Variants in EPHA4 observed in about 807,000 individuals in gnomAD.
EPHA4 encodes the protein EPH receptor A4, also known as ephrin type-A receptor 4.
EPHA4 carries 19 observed loss-of-function variants against 108.3 expected under a neutral mutation model. That is an observed-to-expected ratio of 0.18 (90% CI 0.12 to 0.26). The LOEUF (loss-of-function observed/expected upper bound fraction) is 0.26. EPHA4 is among the 10% of genes least tolerant of loss of function. EPHA4 has a pLI of 1.00. For synonymous variants in EPHA4, 449 were observed against 455.5 expected (o/e 0.99, Z 0.18); for missense variants, 917 against 1,254.0 (o/e 0.73, Z 4.06).
rs1034014466 is a variant in EPHA4 at position 221,571,657 on chromosome 2, C to A, written c.91+501G>T. 5.9e-5 allele frequency among the ~76,000 whole-genome samples: 9 copies of A among 152,136 alleles called. No homozygotes were observed. The highest frequency in any genetic ancestry group is 6.5e-5 in the Admixed American group (1 of 15,288). ...GAGCGGCGCCACGACCGCTGCGCTGCGGAGCAGGCCCCGCAGCCCGGTCCC... is the reference window on the plus strand; with the variant it reads ...GAGCGGCGCCACGACCGCTGCGCTGAGGAGCAGGCCCCGCAGCCCGGTCCC... On this transcript the variant is annotated intron_variant, in intron 1 of 17. Transcript: ENST00000281821. This position sits in a 1 kb window ranked among gnomAD's most constrained non-coding sequence, Gnocchi z 6.3.
At chr2:221,476,098 T>C (rs1439379251) in intron 5 of EPHA4, among the ~76,000 whole-genome samples, 3 of 152,180 alleles carry the variant, frequency 2.0e-5, no homozygotes, top group Non-Finnish European at 2.9e-5. Context: ...CGCCCGCCTG[T>C]AATCCCAGCT....
intron 5 of EPHA4, 120 bp from the exon 6 acceptor site, chr2:221,458,110 C>G: frequency 7.9e-7 from 1 of 1,266,610 alleles, no homozygotes; most frequent in East Asian, 2.5e-5. Context: ...TTGTCTCCCC[C>G]TTGACCATTT....
At chr2:221,424,656 C>T (rs962799786) in intron 17 of EPHA4, among the ~76,000 whole-genome samples, 3 of 152,102 alleles carry the variant, frequency 2.0e-5, no homozygotes, top group African/African-American at 2.4e-5. Context: ...AAAGCCGAGG[C>T]GAGTTCCAAG....
intron 3 of EPHA4, among the ~76,000 whole-genome samples, chr2:221,517,355 C>T (rs1693018548): frequency 6.6e-6 from 1 of 152,182 alleles, no homozygotes; most frequent in Non-Finnish European, 1.5e-5. Flanking sequence ...TCAGAGTGGT[C>T]ATCCTGAGCC....
chr2:221,473,018 C>A (rs1326478108), intron 5 of EPHA4, among the ~76,000 whole-genome samples: 2 of 152,140 alleles, frequency 1.3e-5, no homozygotes, highest in Non-Finnish European at 2.9e-5. Flanking sequence ...GCTCTGGGTG[C>A]CAGCCCTCAC....
At chr2:221,433,000 ATT>A (rs1465058903) in intron 14 of EPHA4, among the ~76,000 whole-genome samples, 1 of 151,552 alleles carries the variant, frequency 6.6e-6, no homozygotes, top group East Asian at 1.9e-4. Context: ...AATTTTTTGT[ATT>A]TTTAGTAGAG....
At chr2:221,435,683 G>C (rs377520797) in intron 13 of EPHA4, among the ~76,000 whole-genome samples, 1 of 152,146 alleles carries the variant, frequency 6.6e-6, no homozygotes, top group Non-Finnish European at 1.5e-5. Context: ...TCAGATAGTC[G>C]AGCTAAGATA....
At position 221,503,849 on chromosome 2, in the gene EPHA4, C is replaced by T. The variant is rs554942374; in HGVS notation, c.824-2677G>A. On this transcript the variant is annotated intron_variant, in intron 3 of 17. Transcript: ENST00000281821. ...CTCAAAATATAGTAGTGGCTTTTCA[C>T]GCACATAGCCATTTTGCTGCCTACA... is the stretch of plus-strand genomic sequence containing the variant. 2.5e-4 allele frequency among the ~76,000 whole-genome samples: 38 copies of T among 152,238 alleles called. 1 individual carries two copies. The highest frequency in any genetic ancestry group is 2.3e-3 in the South Asian group (11 of 4,824).
chr2:221,465,745 C>T (rs1691288709), intron 5 of EPHA4, among the ~76,000 whole-genome samples: 1 of 152,126 alleles, frequency 6.6e-6, no homozygotes, highest in South Asian at 2.1e-4. Flanking sequence ...ATCTTGGAAG[C>T]CCCACACCCA....
At chr2:221,534,338 G>C (rs142916124) in intron 3 of EPHA4, among the ~76,000 whole-genome samples, 1 of 152,238 alleles carries the variant, frequency 6.6e-6, no homozygotes, top group East Asian at 1.9e-4. Context: ...ATTCTATTTT[G>C]ATCTGTGGAT....
At chr2:221,543,815 C>T (rs756532282) in intron 3 of EPHA4, among the ~76,000 whole-genome samples, 2 of 152,158 alleles carry the variant, frequency 1.3e-5, no homozygotes, top group Non-Finnish European at 2.9e-5. Context: ...CAGAAAAGTC[C>T]TGGTCACGGG....
At chr2:221,446,267 G>GT in intron 8 of EPHA4, 86 bp from the exon 9 acceptor site, 1 of 740,676 alleles carries the variant, frequency 1.4e-6, no homozygotes, top group Non-Finnish European at 2.0e-6. Flanking sequence ...CTTTGCTACT[G>GT]TAAGTCAGGC....
chr2:221,496,292 A>G (rs1692292280), intron 4 of EPHA4, among the ~76,000 whole-genome samples: 1 of 152,174 alleles, frequency 6.6e-6, no homozygotes, highest in South Asian at 2.1e-4. Context: ...TATAGTCTCC[A>G]CTAGCCATAT....
chr2:221,541,956 GA>G lies in EPHA4; in HGVS notation c.823+21774del, dbSNP rs776173678. 2.6e-5 allele frequency among the ~76,000 whole-genome samples: 4 copies of G among 151,956 alleles called. No individual in the cohort carries two copies. The South Asian group carries it at 8.3e-4, about 32-fold the overall frequency. On this transcript the variant is annotated intron_variant, in intron 3 of 17. Transcript: ENST00000281821. ...ATTTGTTTCATAAATAAAATAAATAGAAAAAAATCAAAAAAATATGATTTTA... is the reference window on the plus strand; with the variant it reads ...ATTTGTTTCATAAATAAAATAAATAGAAAAAATCAAAAAAATATGATTTTA...
rs1430541827 is a variant in EPHA4, at chr2:221,564,137, C to T, written c.417G>A (p.Glu139=). 1 of 1,614,160 alleles carries T rather than the reference C, an allele frequency of 6.2e-7. No individual in the cohort carries two copies. The highest frequency in any genetic ancestry group is 8.5e-7 in the Non-Finnish European group (1 of 1,180,036). The part of the protein sequence containing the change: ...SDNDKERFIR[E]NQFVKIDTIA... ...TGGTGTCAATTTTGACAAACTGGTTCTCTCTGATGAAACGCTCTTTGTCGT... is the reference window on the plus strand; with the variant it reads ...TGGTGTCAATTTTGACAAACTGGTTTTCTCTGATGAAACGCTCTTTGTCGT... Residue 139 remains glutamate (E), a synonymous_variant, in exon 3 of 18, where the codon GAG becomes GAA. Coordinates refer to ENST00000281821, the MANE Select transcript of EPHA4 (RefSeq NM_004438.5).
chr2:221,499,176 T>A (rs377676545), intron 4 of EPHA4, among the ~76,000 whole-genome samples: 7 of 149,982 alleles, frequency 4.7e-5, no homozygotes, highest in African/African-American at 1.7e-4. Context: ...AGCAAGAGAA[T>A]CTCCCAGATT....
chr2:221,573,003 C>G (rs938628763), upstream of EPHA4: 13 of 152,586 alleles, frequency 8.5e-5, no homozygotes, highest in Admixed American at 3.9e-4. This position sits in a 1 kb window ranked among gnomAD's most constrained non-coding sequence, Gnocchi z 4.5. Flanking sequence ...GAATGACTTT[C>G]TAGCAGTAAG....
intron 3 of EPHA4, among the ~76,000 whole-genome samples, chr2:221,521,786 C>A (rs1336196275): frequency 2.0e-5 from 3 of 152,064 alleles, no homozygotes; most frequent in Admixed American, 6.6e-5. Context: ...ACCAGCCTGG[C>A]CAACATGGCA....
intron 3 of EPHA4, among the ~76,000 whole-genome samples, chr2:221,553,939 G>A (rs1198765774): frequency 6.6e-6 from 1 of 152,222 alleles, no homozygotes; most frequent in East Asian, 1.9e-4. Flanking sequence ...TTGTACTGGT[G>A]CAGAAAATAT....
Sources: gnomAD v4.1 joint callset for allele counts (sites outside exome capture counted in the v4.1 genomes callset) on GRCh38, gnomAD v4.1.1 for gene constraint, Gnocchi (gnomAD v3.1) non-coding constraint, MANE v1.5 for transcripts, NCBI Gene and HGNC (gene_info 2026-07-23, HGNC 2026-07-21) for gene names.